The following SV2C variants were observed in gnomAD, a reference collection of about 807,000 sequenced individuals.
SV2C encodes the protein solute carrier family 22 member B3.
SV2C carries 49 observed loss-of-function variants against 79.7 expected under a neutral mutation model. The ratio of observed to expected loss-of-function variants is 0.61; its 90% CI spans 0.49 to 0.78. The LOEUF is 0.78. SV2C is among the 30% of genes least tolerant of loss of function. The probability of loss-of-function intolerance (pLI) is 0.00; values close to 1 mark genes in which losing one functional copy is unlikely to be tolerated. For missense variants in SV2C, 833 were observed against 912.9 expected (o/e 0.91, Z 1.13); for synonymous variants, 334 against 333.2 (o/e 1.00, Z -0.03).
the SV2C span, chr5:75,921,726 G>A: frequency 2.3e-6 from 1 of 437,960 alleles, no homozygotes; most frequent in Non-Finnish European, 4.3e-6. Flanking sequence ...TAAAATATTT[G>A]AGGCTCTCTA....
chr5:76,032,779 G>A, the SV2C span, among the ~76,000 whole-genome samples: 1 of 152,138 alleles, frequency 6.6e-6, no homozygotes, highest in Admixed American at 6.5e-5. Context: ...GGGATGGCTG[G>A]GTCAAATGGT....
At chr5:76,257,127 T>C (rs1746293338) in intron 4 of SV2C, among the ~76,000 whole-genome samples, 1 of 128,632 alleles carries the variant, frequency 7.8e-6, no homozygotes, top group Non-Finnish European at 1.8e-5. Context: ...AGCCACTGAA[T>C]TCAGCAAAGA....
chr5:76,285,990 C>G (rs1580024894), intron 6 of SV2C, 120 bp downstream of exon 6: 1 of 795,824 alleles, frequency 1.3e-6, no homozygotes, highest in East Asian at 2.7e-5. Context: ...AGCTACTCAG[C>G]TCTGCCATTG....
At chr5:76,339,428 C>G (rs371931706) in intron 12 of SV2C, among the ~76,000 whole-genome samples, 2 of 152,164 alleles carry the variant, frequency 1.3e-5, no homozygotes, top group African/African-American at 4.8e-5. Context: ...TAAGATTTCT[C>G]ATTTCAATGG....
At chr5:76,162,748 G>C (rs1742932584) in intron 2 of SV2C, among the ~76,000 whole-genome samples, 1 of 152,132 alleles carries the variant, frequency 6.6e-6, no homozygotes, top group South Asian at 2.1e-4. Context: ...ATGTTTCATG[G>C]GACATGAAAA....
the SV2C span, among the ~76,000 whole-genome samples, chr5:76,070,192 A>G: frequency 1.3e-5 from 2 of 151,892 alleles, no homozygotes; most frequent in African/African-American, 4.8e-5. Flanking sequence ...ACCAACCTGA[A>G]CCCTCATCAG....
the SV2C span, among the ~76,000 whole-genome samples, chr5:75,920,116 A>C: frequency 6.6e-6 from 1 of 152,224 alleles, no homozygotes; most frequent in East Asian, 1.9e-4. Flanking sequence ...CTTAAGTAAG[A>C]ATCTATGGAC....
the SV2C span, among the ~76,000 whole-genome samples, chr5:76,074,227 T>A: frequency 6.6e-6 from 1 of 152,232 alleles, no homozygotes; most frequent in Non-Finnish European, 1.5e-5. Context: ...TCTGGGAAGC[T>A]GTACTTCTTT....
intron 2 of SV2C, among the ~76,000 whole-genome samples, chr5:76,142,746 A>C (rs188252850): frequency 3.3e-5 from 5 of 152,334 alleles, no homozygotes; most frequent in African/African-American, 9.6e-5. Flanking sequence ...TTTTTTAAAA[A>C]CATTAACATA....
At chr5:75,921,683 G>A in the SV2C span, 38 of 594,964 alleles carry the variant, frequency 6.4e-5, no homozygotes, top group African/African-American at 6.4e-4. Flanking sequence ...TTGGTAAACA[G>A]CAATGGATAT....
chr5:76,011,618 T>C, the SV2C span, among the ~76,000 whole-genome samples: 3 of 152,172 alleles, frequency 2.0e-5, no homozygotes, highest in African/African-American at 7.2e-5. Context: ...TTTTTATTTA[T>C]GTTTTTTTAA....
the SV2C span, among the ~76,000 whole-genome samples, chr5:75,861,218 A>G: frequency 6.6e-6 from 1 of 152,352 alleles, no homozygotes; most frequent in African/African-American, 2.4e-5. Context: ...GTGGCTAACA[A>G]ACATGAAAAA....
At chr5:75,922,118 T>A in the SV2C span, among the ~76,000 whole-genome samples, 7 of 152,266 alleles carry the variant, frequency 4.6e-5, no homozygotes, top group African/African-American at 1.4e-4. Flanking sequence ...TACATATATT[T>A]TACTAACTTC....
the SV2C span, among the ~76,000 whole-genome samples, chr5:76,012,585 G>A: frequency 6.6e-6 from 1 of 152,054 alleles, no homozygotes; most frequent in Non-Finnish European, 1.5e-5. Context: ...AGTTTCTTTT[G>A]CTGTGCAGAA....
chr5:76,285,565 A>G (rs890243606), intron 5 of SV2C: 4 of 613,456 alleles, frequency 6.5e-6, no homozygotes, highest in African/African-American at 5.5e-5. Context: ...GCGAAATTTT[A>G]CCATCTGGAG....
At chr5:76,080,516 C>A (rs975815527), upstream of SV2C, among the ~76,000 whole-genome samples, 13 of 152,290 alleles carry the variant, frequency 8.5e-5, no homozygotes, top group African/African-American at 3.1e-4. Flanking sequence ...GAGCAACTGA[C>A]ATTTATTCTA....
At chr5:76,318,482 G>T (rs925334136) in intron 12 of SV2C, among the ~76,000 whole-genome samples, 1 of 151,944 alleles carries the variant, frequency 6.6e-6, no homozygotes. Context: ...CCAATAAATC[G>T]TGAAGGCCCC....
the SV2C span, among the ~76,000 whole-genome samples, chr5:76,005,070 T>G: frequency 1.3e-5 from 2 of 152,208 alleles, no homozygotes; most frequent in African/African-American, 4.8e-5. Context: ...AAACCTTTCT[T>G]GAAGCTGTTT....
chr5:76,038,834 A>G, the SV2C span, among the ~76,000 whole-genome samples: 1 of 152,238 alleles, frequency 6.6e-6, no homozygotes, highest in Admixed American at 6.5e-5. Context: ...GCATTAATGA[A>G]TAACTCTGTA....
Sources: allele counts gnomAD v4.1 joint callset (sites outside exome capture counted in the v4.1 genomes callset), GRCh38; gene constraint gnomAD v4.1.1; transcripts MANE v1.5; gene names NCBI Gene and HGNC (gene_info 2026-07-23, HGNC 2026-07-21).